The following ATP5PB variants were observed in gnomAD, a reference collection of about 807,000 sequenced individuals.
ATP5PB encodes the protein ATP synthase peripheral stalk-membrane subunit b, also known as ATP synthase peripheral stalk subunit b, mitochondrial.
A neutral mutation model predicts 34.5 loss-of-function variants in ATP5PB; 21 were observed. That is an observed-to-expected ratio of 0.61 (90% CI 0.43 to 0.88). The LOEUF is 0.88. Among genes scored for constraint, ATP5PB ranks in the 40% least tolerant of loss-of-function variants. The probability of loss-of-function intolerance (pLI) is 0.00; values close to 1 mark genes in which losing one functional copy is unlikely to be tolerated. For missense variants in ATP5PB, 293 were observed against 317.4 expected, an observed-to-expected ratio of 0.92 and a Z score of 0.58; for synonymous variants, 108 against 114.1, an observed-to-expected ratio of 0.95 and a Z score of 0.34.
chr1:111,459,671 T>G, intron 6 of ATP5PB, 35 bp downstream of exon 6: 1 of 1,598,270 alleles, frequency 6.3e-7, no homozygotes, highest in Non-Finnish European at 8.5e-7. Context: ...GATGTTGTAC[T>G]GGTATCTCTT....
intron 2 of ATP5PB, among the ~76,000 whole-genome samples, chr1:111,451,773 G>A (rs1263743825): frequency 1.3e-5 from 2 of 152,008 alleles, no homozygotes; most frequent in Non-Finnish European, 2.9e-5. Flanking sequence ...GTTTTTGAGA[G>A]CTGTTAAGTA....
intron 2 of ATP5PB, among the ~76,000 whole-genome samples, chr1:111,452,016 G>A (rs1291020064): frequency 6.6e-6 from 1 of 152,102 alleles, no homozygotes; most frequent in African/African-American, 2.4e-5. Flanking sequence ...CTATTGGGAA[G>A]GCTGAGGTGG....
intron 2 of ATP5PB, among the ~76,000 whole-genome samples, chr1:111,452,388 GTC>G (rs1653357559): frequency 9.8e-6 from 1 of 102,500 alleles, no homozygotes; most frequent in African/African-American, 4.0e-5. Context: ...GCAAAACCCC[GTC>G]TCTCCTAAAA....
intron 5 of ATP5PB, among the ~76,000 whole-genome samples, chr1:111,458,505 G>T (rs1283761416): frequency 6.6e-6 from 1 of 152,174 alleles, no homozygotes; most frequent in African/African-American, 2.4e-5. Flanking sequence ...CCTAAACCTG[G>T]AAGTTTGCTT....
chr1:111,459,934 G>A (rs757810878), intron 6 of ATP5PB, among the ~76,000 whole-genome samples: 4 of 152,176 alleles, frequency 2.6e-5, no homozygotes, highest in Admixed American at 6.5e-5. Flanking sequence ...GAAGGGCGAG[G>A]CAGGAGGATC....
chr1:111,449,867 G>C lies in ATP5PB; in HGVS notation c.71G>C (p.Gly24Ala), dbSNP rs757976399. 2.6e-5 allele frequency: 42 copies of C among 1,613,980 alleles called. No homozygotes were observed. Among genetic ancestry groups the C allele is most frequent in the Non-Finnish European group, 3.5e-5 (41 of 1,180,026 alleles). ...APSLKNAAFL[G>A]PGVLQATRTF... ...TCTCTGAAGAATGCAGCCTTCCTAGGTCCAGGGTAAGTGTGAGGATAATGC... is the reference window on the plus strand; with the variant it reads ...TCTCTGAAGAATGCAGCCTTCCTAGCTCCAGGGTAAGTGTGAGGATAATGC... Residue 24 changes from glycine to alanine, a missense_variant, in exon 2 of 7, where the codon GGT becomes GCT. Coordinates refer to ENST00000369722, the MANE Select transcript of ATP5PB (RefSeq NM_001688.5).
chr1:111,454,281 T>C lies in ATP5PB; in HGVS notation c.148T>C (p.Tyr50His). The change falls in exon 3 of 7, where the codon TAC becomes CAC. Residue 50 changes from tyrosine to histidine, a missense_variant. By Grantham distance (83) the Tyr-to-His change is moderately conservative (BLOSUM62 2). Transcript: ENST00000369722. Reference protein sequence around the residue: ...HLVPVPPLPEYGGKVRYGLIP... With the variant: ...HLVPVPPLPEHGGKVRYGLIP... ...TGTCCCTGTACCACCTCTTCCTGAA[T>C]ACGGAGGAAAAGTTCGTTATGGACT... 6.2e-7 allele frequency: 1 copy of C among 1,613,586 alleles called. No homozygotes were observed. The highest frequency in any genetic ancestry group is 8.5e-7 in the Non-Finnish European group (1 of 1,179,852).
At chr1:111,449,794 G>T (rs139929944) in intron 1 of ATP5PB, 43 bp from the exon 2 acceptor site, 1 of 1,613,966 alleles carries the variant, frequency 6.2e-7, no homozygotes, top group African/African-American at 1.3e-5. Context: ...GGGCAAACCA[G>T]ATTTCATTTG....
rs779282117 is a variant in ATP5PB, at chr1:111,456,624, T to A, written c.388-6T>A. ...CTGATCTTTGTTGTTGCTATCACAA[T>A]TGTAGCAAAAACTTGCCCAACTAGA... On this transcript the variant is annotated splice_polypyrimidine_tract_variant and splice_region_variant and intron_variant, in intron 4 of 6. Coordinates refer to ENST00000369722, the MANE Select transcript of ATP5PB (RefSeq NM_001688.5). 6.2e-7 allele frequency: 1 copy of A among 1,610,944 alleles called. No individual in the cohort carries two copies.
chr1:111,454,399 A>G (rs1433621697), intron 3 of ATP5PB, 43 bp downstream of exon 3: 1 of 1,543,094 alleles, frequency 6.5e-7, no homozygotes, highest in Non-Finnish European at 8.7e-7. Context: ...TTTTGATGGC[A>G]CCACTAAAAT....
At position 111,454,371 on chromosome 1, in the gene ATP5PB, C is replaced by T. The variant is rs773794087; in HGVS notation, c.223+15C>T. The T allele has an allele frequency of 6.3e-7, 1 of 1,583,952 alleles. No individual in the cohort carries two copies. The highest frequency in any genetic ancestry group is 1.4e-5 in the African/African-American group (1 of 73,508). On this transcript the variant is annotated intron_variant, in intron 3 of 6. Transcript: ENST00000369722. ...TGGTGTAACAGGTGAGCATTTTTGC[C>T]TAGTCTCTGGTAATATGTTTTGATG... is the stretch of plus-strand genomic sequence containing the variant.
chr1:111,455,476 G>A (rs986862160), intron 3 of ATP5PB, among the ~76,000 whole-genome samples: 6 of 152,052 alleles, frequency 3.9e-5, no homozygotes, highest in African/African-American at 9.7e-5. Flanking sequence ...TGTGAGGCGC[G>A]GAGGAAAGAC....
At chr1:111,449,655 G>A in intron 1 of ATP5PB, 74 bp downstream of exon 1, 1 of 1,558,420 alleles carries the variant, frequency 6.4e-7, no homozygotes. Flanking sequence ...ACAGGGAGGG[G>A]AGAAGGGCGC....
chr1:111,460,191 C>G (rs1653577569), intron 6 of ATP5PB, among the ~76,000 whole-genome samples: 1 of 152,132 alleles, frequency 6.6e-6, no homozygotes, highest in Non-Finnish European at 1.5e-5. Context: ...CTGAACAAGG[C>G]TATTTCTAAG....
chr1:111,459,978 A>G lies in ATP5PB; in HGVS notation c.693+342A>G, dbSNP rs140796680. ...CCAGGAGTTCAAGACCAACCTGGGC[A>G]ACATAGCGAGATCCTGTCTCTACAA... On this transcript the variant is annotated intron_variant, in intron 6 of 6. Coordinates refer to ENST00000369722, the MANE Select transcript of ATP5PB (RefSeq NM_001688.5). Among the ~76,000 whole-genome samples the G allele has an allele frequency of 9.5e-3, 1,440 of 152,284 alleles. 19 individuals carry two copies. Among genetic ancestry groups the G allele is most frequent in the African/African-American group, 0.033 (1,383 of 41,544 alleles).
At chr1:111,456,449 T>G (rs1005822865) in intron 4 of ATP5PB, among the ~76,000 whole-genome samples, 181 bp from the exon 5 acceptor site, 7 of 152,278 alleles carry the variant, frequency 4.6e-5, no homozygotes, top group Non-Finnish European at 8.8e-5. Context: ...GTTTAATCAT[T>G]CAAAAGATAT....
chr1:111,460,679 A>G (rs895632912), intron 6 of ATP5PB, among the ~76,000 whole-genome samples: 46 of 152,180 alleles, frequency 3.0e-4, no homozygotes, highest in Non-Finnish European at 5.3e-4. Flanking sequence ...TTTCACCCAT[A>G]AAGGCTGTGA....
At chr1:111,454,500 A>ATCCT in intron 3 of ATP5PB, 144 bp downstream of exon 3, 1 of 1,052,790 alleles carries the variant, frequency 9.5e-7, no homozygotes, top group South Asian at 1.7e-5. Context: ...TCTATCACCC[A>ATCCT]GGATGGAGTG....
rs1313591866 is a variant in ATP5PB at position 111,462,712 on chromosome 1, TAAA to T, written c.*1719_*1721del. 1.3e-5 allele frequency: 2 copies of T among 152,242 alleles called. No homozygotes were observed. Among genetic ancestry groups the T allele is most frequent in the Non-Finnish European group, 2.9e-5 (2 of 68,048 alleles). The allele number at this position is 152,242 out of a possible 1,614,324, so 9.4% of individuals were successfully genotyped here. A position where few individuals can be genotyped will look rare whatever the true frequency, so the allele number is the denominator to read the frequency against. On this transcript the variant is annotated 3_prime_UTR_variant, in exon 7 of 7. Coordinates refer to ENST00000369722, the MANE Select transcript of ATP5PB (RefSeq NM_001688.5). ...AAATCAGATTGATATCTTTGTTACT[TAAA>T]GATAATTTGATTGGATCAGCAGTTA... is the stretch of plus-strand genomic sequence containing the variant.
Sources: gnomAD v4.1 joint callset for allele counts (sites outside exome capture counted in the v4.1 genomes callset) on GRCh38, gnomAD v4.1.1 for gene constraint, MANE v1.5 for transcripts, NCBI Gene and HGNC (gene_info 2026-07-23, HGNC 2026-07-21) for gene names.